SCHIP1: variants seen among roughly 807,000 people sequenced by gnomAD.
SCHIP1 encodes the protein schwannomin interacting protein 1.
Under a neutral mutation model 29.7 loss-of-function variants are expected in SCHIP1, and 8 were observed. The observed-to-expected ratio is 0.27, with a 90% CI of 0.16 to 0.49. The LOEUF is 0.49. SCHIP1 is among the 20% of genes least tolerant of loss of function. The pLI, the probability that SCHIP1 is intolerant of heterozygous loss-of-function variation, is 0.99. For missense variants in SCHIP1, 193 were observed against 294.6 expected (o/e 0.66, Z 2.52); for synonymous variants, 76 against 94.9 (o/e 0.80, Z 1.16).
At chr3:159,581,734 G>A in the SCHIP1 span, among the ~76,000 whole-genome samples, 2 of 152,160 alleles carry the variant, frequency 1.3e-5, no homozygotes, top group Non-Finnish European at 2.9e-5. Flanking sequence ...AAGACTACAA[G>A]TAAAGTCTAC....
At chr3:159,379,804 G>A in the SCHIP1 span, among the ~76,000 whole-genome samples, 1 of 152,142 alleles carries the variant, frequency 6.6e-6, no homozygotes, top group Non-Finnish European at 1.5e-5. Context: ...GAAGGTCAGT[G>A]CCTTCAACTC....
chr3:159,409,236 G>C, the SCHIP1 span, among the ~76,000 whole-genome samples: 1 of 151,838 alleles, frequency 6.6e-6, no homozygotes, highest in Non-Finnish European at 1.5e-5. Context: ...ACATGACAAG[G>C]ATACCCATTT....
At chr3:159,751,344 C>T in the SCHIP1 span, among the ~76,000 whole-genome samples, 2 of 152,158 alleles carry the variant, frequency 1.3e-5, no homozygotes, top group African/African-American at 2.4e-5. Context: ...ACCATCTAAT[C>T]CCTTACAGAA....
chr3:159,789,821 T>TA, the SCHIP1 span, among the ~76,000 whole-genome samples: 2 of 152,242 alleles, frequency 1.3e-5, no homozygotes, highest in Non-Finnish European at 2.9e-5. Flanking sequence ...ACCTGATGTG[T>TA]AAAATAGCAA....
At chr3:159,321,102 T>C in the SCHIP1 span, among the ~76,000 whole-genome samples, 2 of 152,096 alleles carry the variant, frequency 1.3e-5, no homozygotes, top group African/African-American at 4.8e-5. Context: ...GTAGCTGGGA[T>C]TATAGGCACC....
At chr3:159,851,712 G>T (rs1464461567) in intron 1 of SCHIP1, among the ~76,000 whole-genome samples, 1 of 152,194 alleles carries the variant, frequency 6.6e-6, no homozygotes, top group African/African-American at 2.4e-5. Flanking sequence ...TTGAGCACCT[G>T]CACGGGGCAC....
At chr3:159,657,993 T>G in the SCHIP1 span, among the ~76,000 whole-genome samples, 1 of 152,258 alleles carries the variant, frequency 6.6e-6, no homozygotes, top group Admixed American at 6.5e-5. Flanking sequence ...CTAATGCCAT[T>G]GATGTCCGGC....
the SCHIP1 span, among the ~76,000 whole-genome samples, chr3:159,454,110 A>G: frequency 3.3e-5 from 5 of 152,192 alleles, no homozygotes; most frequent in South Asian, 1.0e-3. Flanking sequence ...GGAAGATTCA[A>G]GTAGGGCAGT....
At chr3:159,435,662 A>C in the SCHIP1 span, among the ~76,000 whole-genome samples, 42 of 152,154 alleles carry the variant, frequency 2.8e-4, no homozygotes, top group Non-Finnish European at 4.9e-4. Flanking sequence ...ATGCATGTAA[A>C]TGTAGTTCTT....
At chr3:159,312,424 T>G in the SCHIP1 span, among the ~76,000 whole-genome samples, 6,362 of 152,206 alleles carry the variant, frequency 0.042, 431 homozygotes, top group African/African-American at 0.15. Flanking sequence ...CAAAAAAATG[T>G]CAGAAGAGAA....
chr3:159,422,382 C>T, the SCHIP1 span, among the ~76,000 whole-genome samples: 1 of 152,098 alleles, frequency 6.6e-6, no homozygotes, highest in African/African-American at 2.4e-5. Flanking sequence ...GTTACACACC[C>T]GAAATAAGGG....
At chr3:159,530,262 G>C in the SCHIP1 span, among the ~76,000 whole-genome samples, 1 of 152,102 alleles carries the variant, frequency 6.6e-6, no homozygotes, top group Non-Finnish European at 1.5e-5. Flanking sequence ...CAGTCTGGAA[G>C]TTGCTCCCAG....
chr3:159,467,272 G>C, the SCHIP1 span, among the ~76,000 whole-genome samples: 1 of 152,026 alleles, frequency 6.6e-6, no homozygotes, highest in Non-Finnish European at 1.5e-5. Context: ...AAACTCTTTA[G>C]TGGGCGTTTT....
chr3:159,405,199 A>G, the SCHIP1 span, among the ~76,000 whole-genome samples: 1 of 152,174 alleles, frequency 6.6e-6, no homozygotes, highest in Non-Finnish European at 1.5e-5. Context: ...GACTGCAAAG[A>G]CTACAGTAAA....
chr3:159,401,701 G>A, the SCHIP1 span, among the ~76,000 whole-genome samples: 19 of 152,188 alleles, frequency 1.2e-4, no homozygotes, highest in South Asian at 3.5e-3. Context: ...CCATTGCTTT[G>A]GTGTTTTAGA....
At chr3:159,281,397 A>G in the SCHIP1 span, among the ~76,000 whole-genome samples, 1 of 152,238 alleles carries the variant, frequency 6.6e-6, no homozygotes, top group Non-Finnish European at 1.5e-5. Context: ...AGGATTCCAC[A>G]TATGCGCCTA....
the SCHIP1 span, among the ~76,000 whole-genome samples, chr3:159,673,484 AT>A: frequency 6.6e-6 from 1 of 152,230 alleles, no homozygotes; most frequent in Non-Finnish European, 1.5e-5. Flanking sequence ...GCTGAGGCTG[AT>A]TTGGCAATCT....
At chr3:159,833,824 A>G in the SCHIP1 span, among the ~76,000 whole-genome samples, 23,481 of 152,146 alleles carry the variant, frequency 0.15, 1,920 homozygotes, top group East Asian at 0.22. Context: ...CCTTCTGCTA[A>G]CTTCCCTGTT....
At chr3:159,440,913 G>A in the SCHIP1 span, among the ~76,000 whole-genome samples, 283 of 152,240 alleles carry the variant, frequency 1.9e-3, 1 homozygote, top group East Asian at 0.025. Context: ...TTGTTTTCTA[G>A]AGCACAACCC....
Sources: allele counts gnomAD v4.1 joint callset (sites outside exome capture counted in the v4.1 genomes callset), GRCh38; gene constraint gnomAD v4.1.1; transcripts MANE v1.5; gene names NCBI Gene and HGNC (gene_info 2026-07-23, HGNC 2026-07-21).